The following MRTFB variants were observed in gnomAD, a reference collection of about 807,000 sequenced individuals.
MRTFB encodes myocardin related transcription factor B.
Under a neutral mutation model 104.2 loss-of-function variants are expected in MRTFB, and 29 were observed. The ratio of observed to expected loss-of-function variants is 0.28; its 90% CI spans 0.21 to 0.38. MRTFB has a LOEUF of 0.38. MRTFB is among the 10% of genes least tolerant of loss of function. The pLI, the probability that MRTFB is intolerant of heterozygous loss-of-function variation, is 1.00. For missense variants in MRTFB, 1,270 were observed against 1,341.6 expected (o/e 0.95, Z 0.83); for synonymous variants, 535 against 519.5 (o/e 1.03, Z -0.41).
intron 8 of MRTFB, among the ~76,000 whole-genome samples, chr16:14,232,997 G>A (rs940348577): frequency 2.0e-5 from 3 of 152,192 alleles, no homozygotes; most frequent in African/African-American, 7.2e-5. Flanking sequence ...GTAAGTCCAA[G>A]TAGTAATCAA....
chr16:14,040,704 C>A, the MRTFB span, among the ~76,000 whole-genome samples: 2 of 152,144 alleles, frequency 1.3e-5, no homozygotes, highest in African/African-American at 4.8e-5. Flanking sequence ...CTCAAGTGAT[C>A]TACCCACCTT....
At chr16:14,082,366 C>A (rs2034461175) in intron 2 of MRTFB, among the ~76,000 whole-genome samples, 2 of 152,168 alleles carry the variant, frequency 1.3e-5, no homozygotes, top group Non-Finnish European at 2.9e-5. Flanking sequence ...AGATTTATTT[C>A]TGGGTTCTTT....
intron 2 of MRTFB, among the ~76,000 whole-genome samples, chr16:14,088,465 G>A (rs2141942864): frequency 6.6e-6 from 1 of 152,314 alleles, no homozygotes; most frequent in South Asian, 2.1e-4. Flanking sequence ...ACAGGGAAAG[G>A]TGGTGTTAGA....
chr16:14,073,038 ATGTT>A (rs2033816977), intron 1 of MRTFB, among the ~76,000 whole-genome samples: 1 of 152,190 alleles, frequency 6.6e-6, no homozygotes, highest in African/African-American at 2.4e-5. Flanking sequence ...CTACAATTGT[ATGTT>A]AACGGTGTGT....
At chr16:14,100,902 T>C (rs983314237) in intron 2 of MRTFB, among the ~76,000 whole-genome samples, 1 of 152,196 alleles carries the variant, frequency 6.6e-6, no homozygotes, top group Non-Finnish European at 1.5e-5. Flanking sequence ...TATGATGACG[T>C]TGCCTCTCTC....
At chr16:14,114,646 A>G (rs1482580572) in intron 2 of MRTFB, among the ~76,000 whole-genome samples, 2 of 152,124 alleles carry the variant, frequency 1.3e-5, no homozygotes, top group African/African-American at 4.8e-5. Context: ...GCTTCAGTTC[A>G]GTTTCTTCCT....
rs886568560 is a variant in MRTFB at position 14,222,423 on chromosome 16, AT to A, written c.693+3435del. ...AAAACATTATGAGTTTTTTTGTGTG[AT>A]TTTTTTTTTCTTTTAGCTCACCAGC... is the stretch of plus-strand genomic sequence containing the variant. On this transcript the variant is annotated intron_variant, in intron 8 of 16. Transcript: ENST00000571589. 7.6e-4 allele frequency among the ~76,000 whole-genome samples: 114 copies of A among 149,956 alleles called. 1 individual carries two copies. The East Asian group carries it at 0.011, about 15-fold the overall frequency.
At chr16:14,016,391 C>T in the MRTFB span, among the ~76,000 whole-genome samples, 5 of 151,654 alleles carry the variant, frequency 3.3e-5, no homozygotes, top group African/African-American at 4.8e-5. Context: ...AGGTGGGTCC[C>T]ACTCAATTCT....
the MRTFB span, among the ~76,000 whole-genome samples, chr16:14,017,711 A>ATATTTTT: frequency 2.1e-4 from 7 of 33,612 alleles, no homozygotes; most frequent in Non-Finnish European, 3.0e-4. Flanking sequence ...ATATATATAT[A>ATATTTTT]TTTTTTTTTT....
chr16:14,033,312 G>A, the MRTFB span, among the ~76,000 whole-genome samples: 4 of 152,052 alleles, frequency 2.6e-5, no homozygotes, highest in South Asian at 2.1e-4. Context: ...TTGGGAGGCC[G>A]AGGCAGGAGG....
chr16:14,226,054 G>A (rs964313026), intron 8 of MRTFB, among the ~76,000 whole-genome samples: 2 of 152,124 alleles, frequency 1.3e-5, no homozygotes, highest in Non-Finnish European at 2.9e-5. Context: ...CAATGCAAAA[G>A]GAGAGGAGAA....
intron 3 of MRTFB, among the ~76,000 whole-genome samples, chr16:14,159,905 G>A (rs899752361): frequency 2.9e-5 from 4 of 139,086 alleles, no homozygotes; most frequent in African/African-American, 1.2e-4. Context: ...ACTCCAGCCT[G>A]GGCGACAGAG....
intron 3 of MRTFB, among the ~76,000 whole-genome samples, chr16:14,148,228 G>A (rs941563352): frequency 1.3e-5 from 2 of 152,164 alleles, no homozygotes; most frequent in African/African-American, 2.4e-5. Context: ...AGACTTTGTG[G>A]AATTAAGTAG....
the MRTFB span, among the ~76,000 whole-genome samples, chr16:14,056,260 T>C: frequency 6.6e-6 from 1 of 152,208 alleles, no homozygotes; most frequent in African/African-American, 2.4e-5. Flanking sequence ...ATTACAGCCA[T>C]GAGCCACCAT....
the MRTFB span, among the ~76,000 whole-genome samples, chr16:14,014,613 G>T: frequency 1.3e-5 from 2 of 152,078 alleles, no homozygotes; most frequent in South Asian, 4.1e-4. Flanking sequence ...CAGCACTTTG[G>T]GAGGCCAAGA....
chr16:14,238,134 G>A (rs922078162), intron 9 of MRTFB, among the ~76,000 whole-genome samples: 5 of 152,162 alleles, frequency 3.3e-5, no homozygotes, highest in African/African-American at 7.2e-5. Context: ...GTCACAATGC[G>A]GGGGACGAGG....
chr16:14,031,044 A>G, the MRTFB span, among the ~76,000 whole-genome samples: 2 of 152,178 alleles, frequency 1.3e-5, no homozygotes, highest in Non-Finnish European at 2.9e-5. Flanking sequence ...GAATTATACA[A>G]ATAATTGTCC....
chr16:14,265,415 A>G lies in MRTFB; in HGVS notation c.*3971A>G, dbSNP rs1449624120. On this transcript the variant is annotated 3_prime_UTR_variant, in exon 17 of 17. Coordinates refer to ENST00000571589, the MANE Select transcript of MRTFB (RefSeq NM_001308142.2). ...GGTTTTTCAAGGAACATAGCTTACA[A>G]ATGCATCAGTGTGTATCTGGAGAGC... The G allele has an allele frequency of 2.0e-5, 3 of 152,244 alleles. No individual in the cohort carries two copies. Among genetic ancestry groups the G allele is most frequent in the Admixed American group, 6.5e-5 (1 of 15,284 alleles). The allele number at this position is 152,244 out of a possible 1,614,324, so 9.4% of individuals were successfully genotyped here.
the MRTFB span, among the ~76,000 whole-genome samples, chr16:14,049,255 T>G: frequency 6.6e-6 from 1 of 152,234 alleles, no homozygotes; most frequent in Non-Finnish European, 1.5e-5. Flanking sequence ...GTCCTTAATA[T>G]TTTCCTTTCA....
Sources: allele counts gnomAD v4.1 joint callset (sites outside exome capture counted in the v4.1 genomes callset), GRCh38; gene constraint gnomAD v4.1.1; transcripts MANE v1.5; gene names NCBI Gene and HGNC (gene_info 2026-07-23, HGNC 2026-07-21).